RBFOX1: variants seen among roughly 807,000 people sequenced by gnomAD.
The protein encoded by RBFOX1 is RNA binding fox-1 homolog 1.
RBFOX1 carries 8 observed loss-of-function variants against 57.7 expected under a neutral mutation model. That is an observed-to-expected ratio of 0.14 (90% CI 0.08 to 0.25). RBFOX1 has a LOEUF of 0.25. Ranked by LOEUF, RBFOX1 falls within the 10% of genes least tolerant of loss-of-function variation. The pLI is 1.00. For missense variants in RBFOX1, 611 were observed against 548.5 expected, an observed-to-expected ratio of 1.11 and a Z score of -1.14; for synonymous variants, 326 against 222.4, an observed-to-expected ratio of 1.47 and a Z score of -4.15.
At chr16:5,548,670 T>C (rs2045333463) in intron 2 of RBFOX1, among the ~76,000 whole-genome samples, 4 of 152,052 alleles carry the variant, frequency 2.6e-5, no homozygotes, top group Admixed American at 1.3e-4. Context: ...AAAAAAAAAC[T>C]AAAAAAATTT....
At chr16:7,420,181 G>A (rs1043215502) in intron 4 of RBFOX1, among the ~76,000 whole-genome samples, 1 of 152,010 alleles carries the variant, frequency 6.6e-6, no homozygotes, top group Non-Finnish European at 1.5e-5. Flanking sequence ...ATATTCTGCC[G>A]TGGTAATTAT....
intron 2 of RBFOX1, among the ~76,000 whole-genome samples, chr16:6,522,289 T>G (rs1221339868): frequency 1.3e-5 from 2 of 151,952 alleles, no homozygotes; most frequent in African/African-American, 2.4e-5. Flanking sequence ...ATGTTATTAA[T>G]TCAGAAGTGA....
rs998464598 is a variant in RBFOX1, at chr16:6,989,803, T to C, written c.-15-62254T>C. On this transcript the variant is annotated intron_variant, in intron 3 of 15. Transcript: ENST00000550418. ...TCACCTGAGGTCAGGATTTCGAAAC[T>C]AGCCTGGCTAACATGGTGAAATTCC... Among the ~76,000 whole-genome samples, 9 of 151,856 alleles carry C rather than the reference T, an allele frequency of 5.9e-5. No individual in the cohort carries two copies. In the East Asian group the frequency reaches 1.6e-3, roughly 26 times the overall value.
At chr16:6,805,025 C>G (rs912322767) in intron 3 of RBFOX1, among the ~76,000 whole-genome samples, 3 of 152,162 alleles carry the variant, frequency 2.0e-5, no homozygotes, top group Non-Finnish European at 4.4e-5. Flanking sequence ...ATTTGACCTA[C>G]CAGTCCCATT....
chr16:6,145,872 A>G (rs2096754028), intron 1 of RBFOX1, among the ~76,000 whole-genome samples: 1 of 152,210 alleles, frequency 6.6e-6, no homozygotes, highest in African/African-American at 2.4e-5. Flanking sequence ...TGGCCTTGAC[A>G]AGACTCTCTC....
chr16:7,167,763 G>A (rs538480792), intron 4 of RBFOX1, among the ~76,000 whole-genome samples: 23 of 152,140 alleles, frequency 1.5e-4, no homozygotes, highest in Non-Finnish European at 2.6e-4. Flanking sequence ...ATTCATTTAC[G>A]TATTGTCTAT....
intron 4 of RBFOX1, among the ~76,000 whole-genome samples, chr16:7,056,490 T>C (rs1320889793): frequency 6.6e-6 from 1 of 152,172 alleles, no homozygotes; most frequent in Non-Finnish European, 1.5e-5. Flanking sequence ...CAGGTTATGG[T>C]GATAGTCGTA....
intron 2 of RBFOX1, chr16:6,483,749 G>C: frequency 7.0e-7 from 1 of 1,426,226 alleles, no homozygotes; most frequent in South Asian, 1.5e-5. Flanking sequence ...CTGTGGCAGA[G>C]GAGCAGCCGT....
intron 3 of RBFOX1, among the ~76,000 whole-genome samples, chr16:6,755,696 A>T (rs1377558580): frequency 2.0e-5 from 3 of 152,132 alleles, no homozygotes; most frequent in African/African-American, 4.8e-5. Flanking sequence ...AATACTAGAG[A>T]ATTCGTTTCT....
intron 3 of RBFOX1, among the ~76,000 whole-genome samples, chr16:5,743,895 GTCATACGGAAGGTCTCAAGAACTTAT>G (rs2052873759): frequency 6.6e-6 from 1 of 152,150 alleles, no homozygotes; most frequent in Admixed American, 6.5e-5. Flanking sequence ...TAGGCATGAT[GTCATACGGAAGGTCTCAAGAACTTAT>G]TCATCTTGAT....
intron 4 of RBFOX1, among the ~76,000 whole-genome samples, chr16:7,449,618 G>A (rs1179075173): frequency 1.3e-5 from 2 of 151,022 alleles, no homozygotes; most frequent in Non-Finnish European, 2.9e-5. Context: ...ATTCAAGCCT[G>A]CACATCCCCA....
At chr16:7,330,251 A>G (rs2096666707) in intron 4 of RBFOX1, among the ~76,000 whole-genome samples, 1 of 152,154 alleles carries the variant, frequency 6.6e-6, no homozygotes, top group Non-Finnish European at 1.5e-5. Flanking sequence ...ATCTTCCCGT[A>G]TACATATTAA....
At chr16:5,933,340 C>A (rs953958330) in intron 4 of RBFOX1, among the ~76,000 whole-genome samples, 2 of 152,210 alleles carry the variant, frequency 1.3e-5, no homozygotes, top group African/African-American at 4.8e-5. Context: ...GTTTGGTGTC[C>A]CTGAGGCAAA....
chr16:6,732,347 G>GTCTC (rs2068841302), intron 3 of RBFOX1, among the ~76,000 whole-genome samples: 2 of 152,196 alleles, frequency 1.3e-5, no homozygotes, highest in Non-Finnish European at 2.9e-5. Context: ...GAGAGAGTGA[G>GTCTC]TCTCTGACAG....
chr16:7,502,585 T>C (rs7201544), intron 4 of RBFOX1, among the ~76,000 whole-genome samples: 221 of 150,970 alleles, frequency 1.5e-3, no homozygotes, highest in African/African-American at 5.3e-3. Context: ...CTTTTTTGTT[T>C]GTTTGTTTGT....
intron 2 of RBFOX1, among the ~76,000 whole-genome samples, chr16:6,573,089 C>G (rs186880379): frequency 6.6e-6 from 1 of 152,120 alleles, no homozygotes; most frequent in Non-Finnish European, 1.5e-5. Context: ...TTGATCTGCT[C>G]CCTCAGACCC....
At chr16:6,397,139 T>C (rs868662192) in intron 2 of RBFOX1, among the ~76,000 whole-genome samples, 2 of 152,164 alleles carry the variant, frequency 1.3e-5, no homozygotes, top group Non-Finnish European at 2.9e-5. Flanking sequence ...TAAGTAATAG[T>C]TGAAATTTCT....
chr16:6,496,416 G>C (rs2095769891), intron 2 of RBFOX1, among the ~76,000 whole-genome samples: 1 of 152,118 alleles, frequency 6.6e-6, no homozygotes, highest in Admixed American at 6.5e-5. Flanking sequence ...TAGCTAGATT[G>C]TGTTTCTAAA....
chr16:7,329,165 G>C (rs1169308372), intron 4 of RBFOX1, among the ~76,000 whole-genome samples: 1 of 152,182 alleles, frequency 6.6e-6, no homozygotes, highest in African/African-American at 2.4e-5. Context: ...TTATCTGAGT[G>C]TTTACAGAAA....
Sources: allele counts gnomAD v4.1 joint callset (sites outside exome capture counted in the v4.1 genomes callset), GRCh38; gene constraint gnomAD v4.1.1; transcripts MANE v1.5; gene names NCBI Gene and HGNC (gene_info 2026-07-23, HGNC 2026-07-21).